WDR72: variants seen among roughly 807,000 people sequenced by gnomAD.
The protein encoded by WDR72 is WD repeat domain 72, also known as WD repeat-containing protein 72.
In WDR72, 120 loss-of-function variants were observed where a neutral mutation model predicts 124.2. The ratio of observed to expected loss-of-function variants is 0.97; its 90% confidence interval spans 0.83 to 1.12. The LOEUF (loss-of-function observed/expected upper bound fraction) is 1.12. WDR72 is among the 50% of genes most tolerant of loss of function. The pLI is 0.00. For missense variants in WDR72, 1,387 were observed against 1,278.8 expected (o/e 1.08, Z -1.29); for synonymous variants, 452 against 441.7 (o/e 1.02, Z -0.29).
chr15:53,737,001 A>C (rs1480260246), intron 1 of WDR72, among the ~76,000 whole-genome samples: 1 of 15,856 alleles, frequency 6.3e-5, no homozygotes, highest in Non-Finnish European at 1.5e-4. Flanking sequence ...GATGTAAAAC[A>C]CACACACACA....
intron 17 of WDR72, among the ~76,000 whole-genome samples, chr15:53,605,825 A>C (rs148324069): frequency 0.011 from 1,619 of 152,280 alleles, 21 homozygotes; most frequent in Non-Finnish European, 0.015. Context: ...ACTGCACTCC[A>C]GCCTGGGTGA....
intron 1 of WDR72, among the ~76,000 whole-genome samples, chr15:53,750,045 C>T (rs554171029): frequency 1.3e-5 from 2 of 152,244 alleles, no homozygotes; most frequent in African/African-American, 2.4e-5. Context: ...AAGCTCTAAA[C>T]TCAGATAATT....
intron 13 of WDR72, chr15:53,684,481 C>T (rs1183853801): frequency 3.7e-5 from 6 of 161,020 alleles, no homozygotes; most frequent in Admixed American, 2.6e-4. Flanking sequence ...CCCTCCCACC[C>T]GAATACTGCG....
At chr15:53,702,004 T>C (rs1298962276) in intron 12 of WDR72, 130 bp downstream of exon 12, 1 of 586,174 alleles carries the variant, frequency 1.7e-6, no homozygotes, top group South Asian at 2.6e-5. Context: ...CATCCAGTTG[T>C]ATTATAAGTA....
chr15:53,612,467 T>C (rs914116535), intron 16 of WDR72, among the ~76,000 whole-genome samples: 1 of 151,778 alleles, frequency 6.6e-6, no homozygotes, highest in Non-Finnish European at 1.5e-5. Flanking sequence ...GGGTGGAGGG[T>C]GAGCAGGTTG....
At chr15:53,663,546 G>A (rs2015677920) in intron 14 of WDR72, among the ~76,000 whole-genome samples, 1 of 152,104 alleles carries the variant, frequency 6.6e-6, no homozygotes, top group Non-Finnish European at 1.5e-5. Context: ...TCAAGAGAGT[G>A]AAATAAATAT....
At chr15:53,760,361 T>A (rs1595894283), upstream of WDR72, among the ~76,000 whole-genome samples, 2 of 129,340 alleles carry the variant, frequency 1.5e-5, no homozygotes, top group South Asian at 5.6e-4. Context: ...ATAACCATCC[T>A]CCTACTCTCT....
chr15:53,620,318 G>A (rs1056894928), intron 14 of WDR72, among the ~76,000 whole-genome samples: 3 of 151,412 alleles, frequency 2.0e-5, no homozygotes, highest in African/African-American at 7.3e-5. Context: ...TATTGTCAAT[G>A]GAAAATATTT....
intron 19 of WDR72, among the ~76,000 whole-genome samples, chr15:53,518,111 A>G (rs1336386779): frequency 6.6e-6 from 1 of 152,060 alleles, no homozygotes; most frequent in Non-Finnish European, 1.5e-5. Flanking sequence ...ATTTCCATAA[A>G]TTTCAAACAG....
At chr15:53,723,170 G>C (rs912179543) in intron 2 of WDR72, among the ~76,000 whole-genome samples, 1 of 151,144 alleles carries the variant, frequency 6.6e-6, no homozygotes, top group Non-Finnish European at 1.5e-5. Flanking sequence ...TCTTACAACA[G>C]CTAGGTTGTG....
Position 53,714,496 on chromosome 15 carries a change from C to A in WDR72, c.529G>T (p.Val177Leu), listed in dbSNP as rs759710287. The part of the protein sequence containing the change: ...SMRIQEDSLL[V>L]VSVAGELKVW... ...TTGAGCTCACCAGCTACTGATACCA[C>A]CAAGAGAGAATCTTCTGTGAAAATA... The change falls in exon 6 of 20, where the codon GTG (valine) becomes TTG (leucine). Residue 177 changes from valine (V) to leucine (L), a missense_variant. Coordinates refer to ENST00000360509, the MANE Select transcript of WDR72 (RefSeq NM_182758.4). The A allele has an allele frequency of 7.4e-6, 12 of 1,613,190 alleles. 1 individual carries two copies. The African/African-American group carries it at 1.6e-4, about 22-fold the overall frequency.
chr15:53,629,333 A>G (rs1296686958), intron 14 of WDR72, among the ~76,000 whole-genome samples: 1 of 152,162 alleles, frequency 6.6e-6, no homozygotes, highest in East Asian at 1.9e-4. Context: ...ATACTCAGAA[A>G]GATAGCTACA....
In WDR72 at chr15:53,754,665, C is replaced by T. The variant is rs555781768; in HGVS notation, c.-13+4968G>A. Among the ~76,000 whole-genome samples, 12 of 152,258 alleles carry T rather than the reference C, an allele frequency of 7.9e-5. No individual in the cohort carries two copies. In the South Asian group the frequency reaches 1.7e-3, roughly 21 times the overall value. ...ACCCATTTTAACTAGCAAGAAACTA[C>T]CTGGTAATACCTTGTTTGTATTTCT... On this transcript the variant is annotated intron_variant, in intron 1 of 19. Coordinates refer to ENST00000360509, the MANE Select transcript of WDR72 (RefSeq NM_182758.4).
At chr15:53,536,797 T>A (rs1047676747) in intron 18 of WDR72, among the ~76,000 whole-genome samples, 1 of 152,180 alleles carries the variant, frequency 6.6e-6, no homozygotes. Context: ...TTAGTACTTA[T>A]AAGGTTAAAC....
intron 14 of WDR72, among the ~76,000 whole-genome samples, chr15:53,653,712 A>G (rs184364048): frequency 4.6e-5 from 7 of 152,198 alleles, no homozygotes; most frequent in Non-Finnish European, 2.9e-5. Context: ...AGCTGAAAAT[A>G]ATATTTCATA....
intron 9 of WDR72, among the ~76,000 whole-genome samples, chr15:53,706,384 ATATATATATATG>A: frequency 7.4e-6 from 1 of 135,478 alleles, no homozygotes; most frequent in African/African-American, 2.7e-5. Flanking sequence ...ATATATATAT[ATATATATATATG>A]GCTATGTGTA....
intron 18 of WDR72, among the ~76,000 whole-genome samples, chr15:53,548,377 G>A (rs1375516757): frequency 2.0e-5 from 3 of 152,196 alleles, no homozygotes; most frequent in Non-Finnish European, 4.4e-5. Context: ...GCTCTCAGAT[G>A]CAGCAGGGTT....
intron 1 of WDR72, among the ~76,000 whole-genome samples, chr15:53,742,756 A>C (rs2018542680): frequency 6.6e-6 from 1 of 152,208 alleles, no homozygotes; most frequent in Non-Finnish European, 1.5e-5. Context: ...CAGGACAAAC[A>C]ACAATACTGT....
chr15:53,626,859 C>T (rs1252131490), intron 14 of WDR72, among the ~76,000 whole-genome samples: 1 of 152,228 alleles, frequency 6.6e-6, no homozygotes, highest in East Asian at 1.9e-4. Context: ...CCATCTCTCA[C>T]TACTACAACC....
Sources: gnomAD v4.1 joint callset for allele counts (sites outside exome capture counted in the v4.1 genomes callset) on GRCh38, gnomAD v4.1.1 for gene constraint, MANE v1.5 for transcripts, NCBI Gene and HGNC (gene_info 2026-07-23, HGNC 2026-07-21) for gene names.